Variants in RC3H1 observed in about 807,000 individuals in gnomAD.
RC3H1 encodes the protein roquin-1.
RC3H1 carries 50 observed loss-of-function variants against 138.2 expected under a neutral mutation model. The ratio of observed to expected loss-of-function variants is 0.36; its 90% CI spans 0.29 to 0.46. The LOEUF is 0.46. RC3H1 is among the 20% of genes least tolerant of loss of function. The pLI is 1.00. For synonymous variants in RC3H1, 462 were observed against 489.1 expected (o/e 0.94, Z 0.73); for missense variants, 1,031 against 1,388.1 (o/e 0.74, Z 4.09).
intron 13 of RC3H1, among the ~76,000 whole-genome samples, chr1:173,957,591 C>G (rs900612044): frequency 6.6e-6 from 1 of 152,072 alleles, no homozygotes; most frequent in Non-Finnish European, 1.5e-5. Context: ...TCTTTGTTAC[C>G]CAGGCTGGAG....
intron 13 of RC3H1, among the ~76,000 whole-genome samples, chr1:173,955,734 A>G (rs1286404018): frequency 1.3e-5 from 2 of 152,202 alleles, no homozygotes; most frequent in African/African-American, 4.8e-5. Flanking sequence ...TGAAAATCAT[A>G]AGGAGATATT....
intron 7 of RC3H1, among the ~76,000 whole-genome samples, chr1:173,976,240 C>G (rs1269402223): frequency 2.0e-5 from 3 of 151,882 alleles, no homozygotes; most frequent in Non-Finnish European, 4.4e-5. Context: ...AGTTTGAGAA[C>G]AGCCTGGCCA....
chr1:173,988,865 G>A (rs879849918), intron 2 of RC3H1, among the ~76,000 whole-genome samples: 3 of 152,170 alleles, frequency 2.0e-5, no homozygotes, highest in Admixed American at 1.3e-4. Context: ...TGATTGTTCA[G>A]CTCTTTGTCC....
Position 173,972,510 on chromosome 1 carries a change from T to G in RC3H1, c.1220A>C (p.Gln407Pro), listed in dbSNP as rs748191564. 9.8e-5 allele frequency: 157 copies of G among 1,609,108 alleles called. 1 individual carries two copies. Among genetic ancestry groups the G allele is most frequent in the South Asian group, 7.6e-4 (69 of 90,960 alleles). The change falls in exon 8 of 20, where the codon CAG becomes CCG. Residue 407 changes from glutamine to proline, a missense_variant and splice_region_variant. Gln to Pro is a moderately conservative substitution (Grantham distance 76, BLOSUM62 -1). Transcript: ENST00000367696. ...CTAAGTTTTAAACAGCTTCCTTACC[T>G]GCTGCTGATCTGCTCCTTTTTTGCT... Reference protein sequence around the residue: ...NHSKKGADQQQPPQHSKYKTY... With the variant: ...NHSKKGADQQPPPQHSKYKTY...
intron 1 of RC3H1, among the ~76,000 whole-genome samples, chr1:174,007,401 A>T (rs1661674805): frequency 6.6e-6 from 1 of 152,046 alleles, no homozygotes; most frequent in African/African-American, 2.4e-5. Flanking sequence ...AAAAAAAAAA[A>T]AATCTATATA....
chr1:174,013,182 C>A (rs562166343), intron 1 of RC3H1, among the ~76,000 whole-genome samples: 2 of 151,804 alleles, frequency 1.3e-5, no homozygotes, highest in South Asian at 2.1e-4. Context: ...GCTGATAGTA[C>A]AAGCAACAAA....
chr1:173,988,674 G>T (rs962061956), intron 2 of RC3H1, among the ~76,000 whole-genome samples: 6 of 152,230 alleles, frequency 3.9e-5, no homozygotes, highest in African/African-American at 1.4e-4. Context: ...CCAAAAAGAT[G>T]AGAGTTTTTG....
rs778302116 is a variant in RC3H1 at position 173,941,291 on chromosome 1, C to T, written c.3225G>A (p.Pro1075=). The T allele has an allele frequency of 4.7e-5, 76 of 1,613,140 alleles. No individual in the cohort carries two copies. Among genetic ancestry groups the T allele is most frequent in the East Asian group, 4.2e-4 (19 of 44,868 alleles). The part of the protein sequence containing the change: ...NGQPEPQNKV[P]AEDLTLTFSD... The stretch of plus-strand genomic sequence containing the variant: ...TGAATGTCAATGTAAGGTCCTCAGC[C>T]GGAACCTTGTTTTGTGGTTCTGGTT... Residue 1075 remains proline, a synonymous_variant, in exon 19 of 20, where the codon CCG becomes CCA. Transcript: ENST00000367696.
At chr1:173,956,683 A>AG (rs1553226189) in intron 13 of RC3H1, among the ~76,000 whole-genome samples, 5 of 151,456 alleles carry the variant, frequency 3.3e-5, no homozygotes, top group Non-Finnish European at 5.9e-5. Flanking sequence ...AAAAAAAAAA[A>AG]AAAGAAAGAA....
intron 2 of RC3H1, among the ~76,000 whole-genome samples, chr1:173,985,578 T>C (rs566544974): frequency 6.6e-6 from 1 of 152,318 alleles, no homozygotes; most frequent in South Asian, 2.1e-4. Context: ...AATGTGACGA[T>C]GTGAGATGAC....
rs963539362 is a variant in RC3H1, at chr1:173,931,508, C to G, written c.*7213G>C. ...AGATGGCCCTAGTACTCTCAAAAAT[C>G]GGCAACAAGTGGGAACATGTACTTA... On this transcript the variant is annotated 3_prime_UTR_variant, in exon 20 of 20. Transcript: ENST00000367696. 8 of 152,150 alleles carry G rather than the reference C, an allele frequency of 5.3e-5. No homozygotes were observed. The highest frequency in any genetic ancestry group is 1.3e-4 in the Admixed American group (2 of 15,280). 9.4% of individuals were successfully genotyped at this position (152,150 alleles called of 1,614,324 possible). A position where few individuals can be genotyped will look rare whatever the true frequency, so the allele number is the denominator to read the frequency against.
intron 1 of RC3H1, among the ~76,000 whole-genome samples, chr1:174,016,581 T>C (rs1661867330): frequency 6.6e-6 from 1 of 151,506 alleles, no homozygotes. Flanking sequence ...ATAACTAAAT[T>C]ATAATTATGT....
intron 2 of RC3H1, among the ~76,000 whole-genome samples, chr1:173,989,052 A>G (rs1661151309): frequency 6.6e-6 from 1 of 152,178 alleles, no homozygotes; most frequent in Admixed American, 6.5e-5. Flanking sequence ...TTTTTGAGAT[A>G]GGGTCTCATT....
chr1:173,973,933 A>C (rs1660467211), intron 7 of RC3H1, among the ~76,000 whole-genome samples: 1 of 152,224 alleles, frequency 6.6e-6, no homozygotes, highest in African/African-American at 2.4e-5. Context: ...TTCAAGGAGA[A>C]GAGCCAGATA....
intron 1 of RC3H1, among the ~76,000 whole-genome samples, chr1:174,011,284 CTATA>C (rs1661743397): frequency 6.6e-6 from 1 of 151,720 alleles, no homozygotes; most frequent in Non-Finnish European, 1.5e-5. Flanking sequence ...AAAAAAAACA[CTATA>C]TGAAGAGTCT....
Position 173,993,043 on chromosome 1 carries a change from T to G in RC3H1, c.-58A>C. 8.0e-7 allele frequency: 1 copy of G among 1,250,180 alleles called. No individual in the cohort carries two copies. The highest frequency in any genetic ancestry group is 1.2e-6 in the Non-Finnish European group (1 of 867,300). The allele number at this position is 1,250,180 out of a possible 1,614,324, so 77.4% of individuals were successfully genotyped here. On this transcript the variant is annotated 5_prime_UTR_variant, in exon 2 of 20. Coordinates refer to ENST00000367696, the MANE Select transcript of RC3H1 (RefSeq NM_172071.4). Reference sequence around the variant, plus strand: ...ACACACACAAATCTAAAGCAAAGATTCCACTGGAATCAAAATCTTTGAAAA... The same window carrying G: ...ACACACACAAATCTAAAGCAAAGATGCCACTGGAATCAAAATCTTTGAAAA...
At chr1:173,978,380 A>C (rs973759324) in intron 7 of RC3H1, 108 bp downstream of exon 7, 1 of 1,135,500 alleles carries the variant, frequency 8.8e-7, no homozygotes, top group African/African-American at 1.6e-5. Flanking sequence ...AAAGATCTGG[A>C]GTAACTACTT....
chr1:174,001,291 A>C (rs1050470319), intron 1 of RC3H1, among the ~76,000 whole-genome samples: 3 of 152,210 alleles, frequency 2.0e-5, no homozygotes, highest in African/African-American at 7.2e-5. Flanking sequence ...GTGCCTGAGA[A>C]AGTAAGACAG....
In RC3H1 at chr1:173,938,899, G is replaced by A. The variant is rs944264019; in HGVS notation, c.3252-28C>T. On this transcript the variant is annotated intron_variant, in intron 19 of 19. Transcript: ENST00000367696. ...GCTGACATTTTAAAATTTTGAAAAA[G>A]GAGAGAGAGAAAAATGATTACTACA... 12 of 1,542,254 alleles carry A rather than the reference G, an allele frequency of 7.8e-6. No individual in the cohort carries two copies. The South Asian group carries it at 1.2e-4, about 16-fold the overall frequency.
Sources: gnomAD v4.1 joint callset for allele counts (sites outside exome capture counted in the v4.1 genomes callset) on GRCh38, gnomAD v4.1.1 for gene constraint, MANE v1.5 for transcripts, NCBI Gene and HGNC (gene_info 2026-07-23, HGNC 2026-07-21) for gene names.